Variants in NLGN4Y observed in about 807,000 individuals in gnomAD.
NLGN4Y encodes the protein neuroligin-4, Y-linked.
A neutral mutation model predicts 8.4 loss-of-function variants in NLGN4Y; 4 were observed. That is an observed-to-expected ratio of 0.48 (90% CI 0.23 to 1.09). NLGN4Y has a LOEUF of 1.09. Ranked by LOEUF, NLGN4Y falls within the 50% of genes least tolerant of loss-of-function variation. The pLI is 0.19. For synonymous variants in NLGN4Y, 35 were observed against 75.6 expected (o/e 0.46, Z 2.78); for missense variants, 90 against 192.3 (o/e 0.47, Z 3.15).
chrY:14,556,007 G>A (rs895531785), intron 1 of NLGN4Y, among the ~76,000 whole-genome samples: 5 of 32,013 alleles, frequency 1.6e-4, no homozygotes, highest in African/African-American at 6.2e-4. Flanking sequence ...ACAAAAATCA[G>A]CCAGGCATGA....
At chrY:14,808,766 T>C (rs2043066275) in intron 4 of NLGN4Y, among the ~76,000 whole-genome samples, 1 of 34,182 alleles carries the variant, frequency 2.9e-5, no homozygotes, top group Non-Finnish European at 7.3e-5. Flanking sequence ...CTTTTTTATA[T>C]GGCCATAGCC....
At chrY:14,768,423 A>C (rs2081098310) in intron 4 of NLGN4Y, among the ~76,000 whole-genome samples, 2 of 33,607 alleles carry the variant, frequency 6.0e-5, no homozygotes, top group Non-Finnish European at 1.5e-4. Flanking sequence ...ATGACCCCAC[A>C]AGAAGAAGAG....
chrY:14,759,461 G>A (rs2081073933), intron 4 of NLGN4Y, among the ~76,000 whole-genome samples: 1 of 32,291 alleles, frequency 3.1e-5, no homozygotes, highest in Admixed American at 2.8e-4. Context: ...CCACCACGCC[G>A]GGCTAATTTT....
intron 1 of NLGN4Y, among the ~76,000 whole-genome samples, chrY:14,542,893 C>T: frequency 6.5e-5 from 2 of 30,985 alleles, no homozygotes; most frequent in Non-Finnish European, 1.5e-4. Flanking sequence ...GAAAACCAAA[C>T]ACCACATGTT....
At chrY:14,802,224 G>GCT (rs773320101) in intron 4 of NLGN4Y, among the ~76,000 whole-genome samples, 4 of 30,537 alleles carry the variant, frequency 1.3e-4, no homozygotes, top group Admixed American at 3.1e-4. Flanking sequence ...TACCTGGAGA[G>GCT]CTCTCTCTCT....
chrY:14,750,523 A>T, intron 4 of NLGN4Y, among the ~76,000 whole-genome samples: 1 of 33,169 alleles, frequency 3.0e-5, no homozygotes, highest in Non-Finnish European at 7.4e-5. Flanking sequence ...ATTCTGCAGC[A>T]TGTTTTTCTT....
intron 5 of NLGN4Y, among the ~76,000 whole-genome samples, chrY:14,828,733 C>T: frequency 3.0e-5 from 1 of 33,416 alleles, no homozygotes; most frequent in African/African-American, 1.2e-4. Context: ...AAAATCAACA[C>T]GGCATCTGGA....
rs771561576 is a variant in NLGN4Y at position 14,840,399 on chromosome Y, C to G, written c.1662-14C>G. The G allele has an allele frequency of 5.1e-6, 2 of 394,350 alleles. No homozygotes were observed. The highest frequency in any genetic ancestry group is 7.1e-6 in the Non-Finnish European group (2 of 281,666). On this transcript the variant is annotated splice_polypyrimidine_tract_variant and intron_variant, in intron 6 of 6. Coordinates refer to ENST00000684976, the MANE Select transcript of NLGN4Y (RefSeq NM_001365588.1). ...AGAATATGACCTTTCTTTTTTTCTT[C>G]CTTCTATCCCCAGTGATCCAAACCA...
intron 2 of NLGN4Y, among the ~76,000 whole-genome samples, chrY:14,657,174 A>G: frequency 6.1e-5 from 2 of 32,907 alleles, no homozygotes; most frequent in Non-Finnish European, 1.5e-4. Flanking sequence ...CTTAAACATC[A>G]TTATTATACA....
chrY:14,799,285 G>A, intron 4 of NLGN4Y, among the ~76,000 whole-genome samples: 1 of 33,810 alleles, frequency 3.0e-5, no homozygotes, highest in Non-Finnish European at 7.4e-5. Context: ...TGGCATCGTT[G>A]TGTTACCACT....
chrY:14,766,008 C>A (rs2081092599), intron 4 of NLGN4Y, among the ~76,000 whole-genome samples: 1 of 33,352 alleles, frequency 3.0e-5, no homozygotes, highest in Admixed American at 2.8e-4. Context: ...CCCATCCAAC[C>A]TGTGCAAAGT....
chrY:14,663,168 C>A (rs2080680865), intron 2 of NLGN4Y, among the ~76,000 whole-genome samples: 1 of 33,136 alleles, frequency 3.0e-5, no homozygotes, highest in Non-Finnish European at 7.5e-5. Flanking sequence ...ACATAATAAC[C>A]ACCAGTTTTA....
At chrY:14,524,491 C>A, upstream of NLGN4Y, 4 of 113,833 alleles carry the variant, frequency 3.5e-5, no homozygotes, top group African/African-American at 3.9e-4. Context: ...CCCTCCCACT[C>A]CCCTAGGCGG....
At chrY:14,609,920 C>T in intron 1 of NLGN4Y, among the ~76,000 whole-genome samples, 5 of 33,260 alleles carry the variant, frequency 1.5e-4, no homozygotes, top group Non-Finnish European at 3.0e-4. Context: ...AGGGATTCAG[C>T]TTCTTCCTGG....
intron 1 of NLGN4Y, among the ~76,000 whole-genome samples, chrY:14,541,273 C>T (rs974698764): frequency 2.2e-3 from 73 of 33,134 alleles, no homozygotes; most frequent in Non-Finnish European, 5.9e-4. Flanking sequence ...TGAAAAGCAA[C>T]GAACAAAGCC....
At chrY:14,577,069 T>C in intron 1 of NLGN4Y, among the ~76,000 whole-genome samples, 3 of 34,005 alleles carry the variant, frequency 8.8e-5, no homozygotes, top group Non-Finnish European at 7.3e-5. Flanking sequence ...TTTGGGCCTA[T>C]TACTTATGTA....
rs769215938 is a variant in NLGN4Y, at chrY:14,635,847, C to T, written c.472+13256C>T. Among the ~76,000 whole-genome samples, 22 of 32,184 alleles carry T rather than the reference C, an allele frequency of 6.8e-4. No homozygotes were observed. In the East Asian group the frequency reaches 0.017, roughly 25 times the overall value. The allele number at this position is 32,184 out of a possible 37,273, so 86.3% of individuals were successfully genotyped here. ...CCTCAGGCAATCCACCCACCTCAGCCTCCCAAAGTGCTGGGATTACAGGCG... is the reference window on the plus strand; with the variant it reads ...CCTCAGGCAATCCACCCACCTCAGCTTCCCAAAGTGCTGGGATTACAGGCG... On this transcript the variant is annotated intron_variant, in intron 2 of 6. Coordinates refer to ENST00000684976, the MANE Select transcript of NLGN4Y (RefSeq NM_001365588.1).
rs2043043270 is a variant in NLGN4Y at position 14,803,050 on chromosome Y, TATA to T, written c.686-21134_686-21132del. On this transcript the variant is annotated intron_variant, in intron 4 of 6. Transcript: ENST00000684976. ...TACATATAATATATTATATATAAAA[TATA>T]ATATAATATGTATTGTATATATTTA... Among the ~76,000 whole-genome samples, 5 of 23,023 alleles carry T rather than the reference TATA, an allele frequency of 2.2e-4. No homozygotes were observed. The South Asian group carries it at 4.1e-3, about 19-fold the overall frequency. 61.8% of individuals were successfully genotyped at this position (23,023 alleles called of 37,273 possible). A position where few individuals can be genotyped will look rare whatever the true frequency, so the allele number is the denominator to read the frequency against.
intron 1 of NLGN4Y, among the ~76,000 whole-genome samples, chrY:14,603,190 G>A: frequency 6.2e-5 from 2 of 32,259 alleles, no homozygotes; most frequent in Non-Finnish European, 1.5e-4. Context: ...TTCACCATAG[G>A]ATTCTGTATC....
Sources: allele counts gnomAD v4.1 joint callset (sites outside exome capture counted in the v4.1 genomes callset), GRCh38; gene constraint gnomAD v4.1.1; transcripts MANE v1.5; gene names NCBI Gene and HGNC (gene_info 2026-07-23, HGNC 2026-07-21).